CPLANE1: variants seen among roughly 807,000 people sequenced by gnomAD.
CPLANE1 encodes ciliogenesis and planar polarity effector complex subunit 1, also known as ciliogenesis and planar polarity effector 1.
A neutral mutation model predicts 362.5 loss-of-function variants in CPLANE1; 263 were observed. The observed-to-expected ratio is 0.73, with a 90% CI of 0.66 to 0.80. The LOEUF (loss-of-function observed/expected upper bound fraction) is 0.80. Among genes scored for constraint, CPLANE1 ranks in the 30% least tolerant of loss-of-function variants. CPLANE1 has a pLI of 0.00. For synonymous variants in CPLANE1, 1,212 were observed against 1,302.6 expected (o/e 0.93, Z 1.50); for missense variants, 3,461 against 3,793.4 (o/e 0.91, Z 2.30).
chr5:37,242,226 C>A (rs1218896477), intron 6 of CPLANE1, among the ~76,000 whole-genome samples: 1 of 151,756 alleles, frequency 6.6e-6, no homozygotes, highest in Non-Finnish European at 1.5e-5. Context: ...TGGTGGCGGG[C>A]ACCTGTAGTC....
chr5:37,199,137 C>T (rs1788444631), intron 19 of CPLANE1, among the ~76,000 whole-genome samples: 1 of 149,112 alleles, frequency 6.7e-6, no homozygotes, highest in Admixed American at 6.7e-5. Flanking sequence ...GCTAATGATG[C>T]TCACTGCTTC....
chr5:37,130,504 C>T (rs1170822315), intron 46 of CPLANE1: 1 of 216,718 alleles, frequency 4.6e-6, no homozygotes, highest in African/African-American at 2.3e-5. Flanking sequence ...CTTTATAAGG[C>T]TAAAAACAAA....
intron 38 of CPLANE1, among the ~76,000 whole-genome samples, chr5:37,162,077 G>C (rs1046997140): frequency 7.9e-5 from 12 of 152,036 alleles, no homozygotes; most frequent in Admixed American, 2.6e-4. Flanking sequence ...TCTGCTCCTG[G>C]ACACAGTTAA....
At chr5:37,127,239 T>A (rs1449435318) in intron 46 of CPLANE1, among the ~76,000 whole-genome samples, 1 of 152,224 alleles carries the variant, frequency 6.6e-6, no homozygotes, top group Non-Finnish European at 1.5e-5. Flanking sequence ...GTTCTGTGCA[T>A]CCTCCTAGGT....
Position 37,209,963 on chromosome 5 carries a change from A to G in CPLANE1, c.2921-3538T>C, listed in dbSNP as rs1445265302. 4.7e-6 allele frequency: 5 copies of G among 1,052,838 alleles called. No homozygotes were observed. In the African/African-American group the frequency reaches 6.2e-5, roughly 13 times the overall value. The allele number at this position is 1,052,838 out of a possible 1,614,324, so 65.2% of individuals were successfully genotyped here. ...AGTTTGAGTCTTTAGAAATAAAGCT[A>G]AATGAATATAAGAGAGAAATAGAAG... On this transcript the variant is annotated intron_variant, in intron 16 of 52. Coordinates refer to ENST00000651892, the MANE Select transcript of CPLANE1 (RefSeq NM_001384732.1). The surrounding 1 kb of genome is among the most constrained non-coding windows in gnomAD (Gnocchi z 4.6).
chr5:37,227,662 A>G lies in CPLANE1; in HGVS notation c.1277T>C (p.Leu426Pro), dbSNP rs569749694. ...GTGTACTGATGGAGATAGGCTATCA[A>G]GAAATCGAAGGGTTGTGACCATATA... is the stretch of plus-strand genomic sequence containing the variant. ...DGYMVTTLRF[L>P]DSLSPSVHMR... Residue 426 changes from leucine to proline, a missense_variant, in exon 10 of 53, where the codon CTT (leucine) becomes CCT (proline). By Grantham distance (98) the Leu-to-Pro change is moderately conservative. Around this residue, in one of 2 missense-constraint regions of CPLANE1, gnomAD observed 3,380 missense variants for 3,666.1 expected, o/e 0.92. Coordinates refer to ENST00000651892, the MANE Select transcript of CPLANE1 (RefSeq NM_001384732.1). 10 of 1,551,540 alleles carry G rather than the reference A, an allele frequency of 6.4e-6. No individual in the cohort carries two copies. The South Asian group carries it at 1.2e-4, about 18-fold the overall frequency.
chr5:37,157,811 A>G lies in CPLANE1; in HGVS notation c.7870T>C (p.Leu2624=). 1 of 1,613,018 alleles carries G rather than the reference A, an allele frequency of 6.2e-7. No individual in the cohort carries two copies. The highest frequency in any genetic ancestry group is 8.5e-7 in the Non-Finnish European group (1 of 1,179,386). ...TTTGAAGGCTCTTCTCTCACAGGTA[A>G]TTCCTGTAGAAGATCATTAGCTTCA... The part of the protein sequence containing the change: ...DIEANDLLQE[L]PVREEPSNDN... Residue 2624 remains leucine (L), a synonymous_variant, in exon 40 of 53, where the codon TTA becomes CTA. Coordinates refer to ENST00000651892, the MANE Select transcript of CPLANE1 (RefSeq NM_001384732.1).
rs750049580 is a variant in CPLANE1, at chr5:37,165,524, G to C, written c.7533+15C>G. The C allele has an allele frequency of 1.4e-5, 22 of 1,607,374 alleles. No individual in the cohort carries two copies. The highest frequency in any genetic ancestry group is 1.6e-5 in the Non-Finnish European group (19 of 1,177,544). ...CATGCAAACCAGGGAAGAATCTATA[G>C]CAGTTTTTCTATACCTTGGGTTTCT... On this transcript the variant is annotated intron_variant, in intron 36 of 52. Transcript: ENST00000651892.
intron 4 of CPLANE1, 45 bp downstream of exon 4, chr5:37,245,434 A>G: frequency 7.3e-7 from 1 of 1,374,500 alleles, no homozygotes; most frequent in South Asian, 1.9e-5. Context: ...CTCTTTTCCT[A>G]TTTTTCCTAG....
chr5:37,127,046 T>C (rs1764325278), intron 46 of CPLANE1, among the ~76,000 whole-genome samples: 1 of 152,212 alleles, frequency 6.6e-6, no homozygotes, highest in Admixed American at 6.5e-5. Context: ...CTAATGGGCT[T>C]GCCTGGTAGA....
At chr5:37,163,817 A>G (rs1410213633) in intron 37 of CPLANE1, among the ~76,000 whole-genome samples, 3 of 152,196 alleles carry the variant, frequency 2.0e-5, no homozygotes, top group East Asian at 1.9e-4. Context: ...CCAGCCCCCA[A>G]TTCACTCATC....
chr5:37,171,090 C>A (rs551548507), intron 32 of CPLANE1, among the ~76,000 whole-genome samples: 5 of 152,194 alleles, frequency 3.3e-5, no homozygotes, highest in Non-Finnish European at 7.3e-5. Flanking sequence ...AACTTTGCTG[C>A]ACATTACAAT....
chr5:37,186,151 C>T (rs1277806306), intron 24 of CPLANE1, 135 bp downstream of exon 24: 1 of 508,450 alleles, frequency 2.0e-6, no homozygotes, highest in Non-Finnish European at 3.6e-6. Context: ...AATGTTTCTA[C>T]CTTCTCATAC....
At chr5:37,129,392 A>G (rs1180730363) in intron 46 of CPLANE1, among the ~76,000 whole-genome samples, 1 of 152,182 alleles carries the variant, frequency 6.6e-6, no homozygotes, top group African/African-American at 2.4e-5. Flanking sequence ...AACAAAAACA[A>G]TGATAAATAG....
chr5:37,182,190 C>A (rs1026483372), intron 26 of CPLANE1, among the ~76,000 whole-genome samples: 1 of 152,146 alleles, frequency 6.6e-6, no homozygotes, highest in Admixed American at 6.6e-5. Context: ...CATACACACA[C>A]ACACATACAC....
intron 28 of CPLANE1, among the ~76,000 whole-genome samples, chr5:37,179,786 G>A (rs1167797767): frequency 6.6e-6 from 1 of 152,052 alleles, no homozygotes; most frequent in Admixed American, 6.6e-5. Context: ...CCCAATAATG[G>A]TAAAAGAGCA....
At chr5:37,228,467 C>A (rs1170398128) in intron 9 of CPLANE1, among the ~76,000 whole-genome samples, 1 of 151,824 alleles carries the variant, frequency 6.6e-6, no homozygotes, top group African/African-American at 2.4e-5. Context: ...CAAATGGCAA[C>A]AATAGAAAGT....
intron 20 of CPLANE1, 45 bp from the exon 21 acceptor site, chr5:37,196,041 A>G: frequency 1.3e-6 from 2 of 1,500,444 alleles, no homozygotes; most frequent in Non-Finnish European, 1.8e-6. Context: ...CAGCTGTATA[A>G]ATCACTTTTA....
At chr5:37,181,060 A>G (rs755842277) in intron 26 of CPLANE1, 55 bp from the exon 27 acceptor site, 121 of 1,405,274 alleles carry the variant, frequency 8.6e-5, no homozygotes, top group Non-Finnish European at 1.1e-4. Context: ...ATTTTTCACC[A>G]TATTTTAAAA....
Sources: allele counts gnomAD v4.1 joint callset (sites outside exome capture counted in the v4.1 genomes callset), GRCh38; gene constraint gnomAD v4.1.1; regional missense constraint gnomAD v4.1.1; non-coding constraint Gnocchi (gnomAD v3.1); transcripts MANE v1.5; gene names NCBI Gene and HGNC (gene_info 2026-07-23, HGNC 2026-07-21).